CCAR2: variants seen among roughly 807,000 people sequenced by gnomAD.
CCAR2 encodes the protein cell cycle and apoptosis regulator protein 2.
Under a neutral mutation model 108.1 loss-of-function variants are expected in CCAR2, and 21 were observed. That is an observed-to-expected ratio of 0.19 (90% CI 0.14 to 0.28). The LOEUF is 0.28. Ranked by LOEUF, CCAR2 falls within the 10% of genes least tolerant of loss-of-function variation. The pLI is 1.00. For synonymous variants in CCAR2, 577 were observed against 472.8 expected, an observed-to-expected ratio of 1.22 and a Z score of -2.86; for missense variants, 1,126 against 1,177.0, an observed-to-expected ratio of 0.96 and a Z score of 0.63.
chr8:22,607,861 A>G, intron 6 of CCAR2, 108 bp from the exon 7 acceptor site: 8 of 805,160 alleles, frequency 9.9e-6, no homozygotes, highest in African/African-American at 1.7e-5. Context: ...CCTGACCTCA[A>G]GTGATCCATC....
rs1404939923 is a variant in CCAR2, at chr8:22,613,115, T to G, written c.683T>G (p.Leu228Arg). Residue 228 changes from leucine to arginine, a missense_variant, in exon 8 of 21, where the codon CTC becomes CGC. By Grantham distance (102) the Leu-to-Arg change is moderately radical. Around this residue, in one of 4 missense-constraint regions of CCAR2, gnomAD observed 1,013 missense variants for 993.9 expected, o/e 1.02. Transcript: ENST00000308511. The stretch of plus-strand genomic sequence containing the variant: ...GACCTGCCTCCTTACCGGGTCCACC[T>G]CACTCCTTACACTGTGGACAGGTGA... Reference protein sequence around the residue: ...RHDLPPYRVHLTPYTVDSPIC... With the variant: ...RHDLPPYRVHRTPYTVDSPIC... The G allele has an allele frequency of 6.2e-7, 1 of 1,611,264 alleles. No homozygotes were observed. The highest frequency in any genetic ancestry group is 1.3e-5 in the African/African-American group (1 of 74,938).
rs1207569395 is a variant in CCAR2, at chr8:22,619,222, G to A, written c.2594G>A (p.Arg865Gln). The change falls in exon 20 of 21, where the codon CGA (arginine) becomes CAA (glutamine). Residue 865 changes from arginine (R) to glutamine (Q), a missense_variant. Around this residue, in one of 4 missense-constraint regions of CCAR2, gnomAD observed 1,013 missense variants for 993.9 expected, o/e 1.02. Coordinates refer to ENST00000308511, the MANE Select transcript of CCAR2 (RefSeq NM_001393997.1). ...KTLAAEMQEL[R>Q]VRLAEAEETA... ...CTGGCGGCAGAGATGCAGGAGCTGC[G>A]AGTCCGGCTGGCGGAGGCCGAGGAG... 1 of 1,578,082 alleles carries A rather than the reference G, an allele frequency of 6.3e-7. No individual in the cohort carries two copies. The highest frequency in any genetic ancestry group is 8.6e-7 in the Non-Finnish European group (1 of 1,162,206).
At position 22,606,130 on chromosome 8, in the gene CCAR2, C is replaced by G; in HGVS notation, c.104C>G (p.Thr35Ser). The G allele has an allele frequency of 6.2e-7, 1 of 1,614,144 alleles. No homozygotes were observed. The highest frequency in any genetic ancestry group is 8.5e-7 in the Non-Finnish European group (1 of 1,179,990). Reference sequence around the variant, plus strand: ...CTGGGCCCTCCTCCTGGTTTGCTCACTCCTCCTGTGGCCACAGAACTGTCC... The same window carrying G: ...CTGGGCCCTCCTCCTGGTTTGCTCAGTCCTCCTGTGGCCACAGAACTGTCC... ...SLLGPPPGLLTPPVATELSQN... is the reference protein window; with the variant it reads ...SLLGPPPGLLSPPVATELSQN... The change falls in exon 3 of 21, where the codon ACT becomes AGT. Residue 35 changes from threonine (T) to serine (S), a missense_variant. Around this residue, in one of 4 missense-constraint regions of CCAR2, gnomAD observed 52 missense variants for 63.7 expected, o/e 0.82. Coordinates refer to ENST00000308511, the MANE Select transcript of CCAR2 (RefSeq NM_001393997.1).
rs933262863 is a variant in CCAR2 at position 22,614,429 on chromosome 8, C to T, written c.967C>T (p.Arg323Cys). Reference sequence around the variant, plus strand: ...TTCCCCGGGGTTGGAGGAATTGTATCGTTGTTGCATGCTCTTTGTGGATGA... The same window carrying T: ...TTCCCCGGGGTTGGAGGAATTGTATTGTTGTTGCATGCTCTTTGTGGATGA... ...LSSPGLEELY[R>C]CCMLFVDDMA... The change falls in exon 10 of 21, where the codon CGT becomes TGT. Residue 323 changes from arginine to cysteine, a missense_variant. Around this residue, in one of 4 missense-constraint regions of CCAR2, gnomAD observed 1,013 missense variants for 993.9 expected, o/e 1.02. Coordinates refer to ENST00000308511, the MANE Select transcript of CCAR2 (RefSeq NM_001393997.1). 1.2e-6 allele frequency: 2 copies of T among 1,614,154 alleles called. No homozygotes were observed. The highest frequency in any genetic ancestry group is 2.2e-5 in the East Asian group (1 of 44,886).
Position 22,613,101 on chromosome 8 carries a change from T to C in CCAR2, c.669T>C (p.Pro223=). 6.2e-7 allele frequency: 1 copy of C among 1,612,572 alleles called. No homozygotes were observed. Among genetic ancestry groups the C allele is most frequent in the Non-Finnish European group, 8.5e-7 (1 of 1,179,620 alleles). ...GAKKPRHDLP[P]YRVHLTPYTV... ...AGAAGCCAAGGCATGACCTGCCTCC[T>C]TACCGGGTCCACCTCACTCCTTACA... The change falls in exon 8 of 21, where the codon CCT becomes CCC. Residue 223 remains proline (P), a synonymous_variant. Transcript: ENST00000308511.
intron 3 of CCAR2, 27 bp from the exon 4 acceptor site, chr8:22,606,580 C>G (rs201309902): frequency 4.4e-6 from 7 of 1,591,504 alleles, no homozygotes; most frequent in Non-Finnish European, 5.2e-6. Flanking sequence ...CTCCCTTTTA[C>G]TTTTCAGCTG....
At chr8:22,606,274 C>T in intron 3 of CCAR2, 98 bp downstream of exon 3, 1 of 1,062,886 alleles carries the variant, frequency 9.4e-7, no homozygotes. Flanking sequence ...TTTATCATTC[C>T]TGATCCCTCT....
rs1801692089 is a variant in CCAR2, at chr8:22,619,800, G to A, written c.*118G>A. On this transcript the variant is annotated 3_prime_UTR_variant, in exon 21 of 21. Coordinates refer to ENST00000308511, the MANE Select transcript of CCAR2 (RefSeq NM_001393997.1). ...CCTGGGAGCCAGGGCAGGGGTGGCT[G>A]ACCCCATGCTCAGCCTCTAGGGGAC... 1.8e-6 allele frequency: 2 copies of A among 1,122,548 alleles called. No homozygotes were observed. The highest frequency in any genetic ancestry group is 1.5e-5 in the African/African-American group (1 of 64,992). The allele number at this position is 1,122,548 out of a possible 1,614,324, so 69.5% of individuals were successfully genotyped here.
intron 2 of CCAR2, 102 bp downstream of exon 2, chr8:22,605,933 C>T: frequency 1.5e-6 from 2 of 1,355,406 alleles, no homozygotes; most frequent in Non-Finnish European, 2.1e-6. Flanking sequence ...TGATGTTCCT[C>T]TGGAAAGCAG....
In CCAR2 at chr8:22,614,999, G is replaced by A. The variant is rs147002132; in HGVS notation, c.1203G>A (p.Lys401=). ...GCATTGATTTGAGCGGCTGTACCAA[G>A]TGGTGAGTGGGCTTCCTGAGCCTCA... ...QTGIDLSGCT[K]WWRFAEFQYL... The change falls in exon 11 of 21, where the codon AAG becomes AAA. Residue 401 remains lysine (K), a splice_region_variant and synonymous_variant. Transcript: ENST00000308511. 2,192 of 1,566,056 alleles carry A rather than the reference G, an allele frequency of 1.4e-3. 20 individuals carry two copies. Among genetic ancestry groups the A allele is most frequent in the Middle Eastern group, 0.012 (60 of 5,028 alleles).
intron 6 of CCAR2, 32 bp from the exon 7 acceptor site, chr8:22,607,937 T>A: frequency 1.3e-6 from 2 of 1,599,374 alleles, no homozygotes; most frequent in Non-Finnish European, 1.7e-6. Flanking sequence ...GTTTTTAGGG[T>A]TTTTGAGTCA....
intron 6 of CCAR2, 25 bp from the exon 7 acceptor site, chr8:22,607,944 G>A: frequency 6.2e-7 from 1 of 1,609,510 alleles, no homozygotes. Flanking sequence ...GGGTTTTTGA[G>A]TCACCAGTCA....
rs1268556230 is a variant in CCAR2, at chr8:22,618,660, A to G, written c.2264A>G (p.Gln755Arg). The G allele has an allele frequency of 6.2e-7, 1 of 1,613,852 alleles. No homozygotes were observed. The highest frequency in any genetic ancestry group is 2.2e-5 in the East Asian group (1 of 44,878). Residue 755 changes from glutamine (Q) to arginine (R), a missense_variant, in exon 18 of 21, where the codon CAG becomes CGG. Gln to Arg is a conservative substitution (Grantham distance 43, BLOSUM62 1). Coordinates refer to ENST00000308511, the MANE Select transcript of CCAR2 (RefSeq NM_001393997.1). ...VSRVVTQNIC[Q>R]YRSLQYSRQE... ...AGGGTGGTGACCCAGAACATCTGCC[A>G]GTACCGGAGCCTTCAGTACAGCCGC...
At chr8:22,606,883 G>A in intron 4 of CCAR2, 27 bp from the exon 5 acceptor site, 2 of 1,609,740 alleles carry the variant, frequency 1.2e-6, no homozygotes, top group Non-Finnish European at 1.7e-6. Context: ...CTCTTCTGAT[G>A]GGGCCTTCTG....
intron 19 of CCAR2, 30 bp downstream of exon 19, chr8:22,619,045 G>T: frequency 6.2e-7 from 1 of 1,608,930 alleles, no homozygotes; most frequent in Non-Finnish European, 8.5e-7. Context: ...GCCACCATGG[G>T]GTCACATGCA....
intron 14 of CCAR2, 148 bp from the exon 15 acceptor site, chr8:22,617,272 A>G: frequency 2.2e-6 from 2 of 928,644 alleles, no homozygotes; most frequent in Non-Finnish European, 3.0e-6. Flanking sequence ...CCACTTAATG[A>G]AATTAAATAC....
At chr8:22,615,240 GGCCTCCCCACT>G in intron 11 of CCAR2, 174 bp from the exon 12 acceptor site, 1 of 864,030 alleles carries the variant, frequency 1.2e-6, no homozygotes, top group Non-Finnish European at 1.7e-6. Flanking sequence ...GTGTGGTTGC[GGCCTCCCCACT>G]GACTGATCAT....
In CCAR2 at chr8:22,615,744, G is replaced by A. The variant is rs755657430; in HGVS notation, c.1440G>A (p.Arg480=). The change falls in exon 13 of 21, where the codon CGG becomes CGA. Residue 480 remains arginine (R), a synonymous_variant. Transcript: ENST00000308511. ...ALEQAADTSR[R]NAETPEATTQ... is the part of the protein sequence containing the mutation. ...AGCAAGCAGCAGACACTTCTAGACGGAACGCAGAAACTCCAGAGGCCACCA... is the reference window on the plus strand; with the variant it reads ...AGCAAGCAGCAGACACTTCTAGACGAAACGCAGAAACTCCAGAGGCCACCA... 1.2e-6 allele frequency: 2 copies of A among 1,613,824 alleles called. No homozygotes were observed. Among genetic ancestry groups the A allele is most frequent in the Non-Finnish European group, 8.5e-7 (1 of 1,180,018 alleles).
intron 6 of CCAR2, among the ~76,000 whole-genome samples, 199 bp downstream of exon 6, chr8:22,607,524 A>G (rs1174892200): frequency 6.7e-5 from 10 of 148,694 alleles, no homozygotes; most frequent in African/African-American, 1.0e-4. Flanking sequence ...CTGGAGTGCA[A>G]TGACACGATC....
Sources: allele counts gnomAD v4.1 joint callset (sites outside exome capture counted in the v4.1 genomes callset), GRCh38; gene constraint gnomAD v4.1.1; regional missense constraint gnomAD v4.1.1; transcripts MANE v1.5; gene names NCBI Gene and HGNC (gene_info 2026-07-23, HGNC 2026-07-21).